The following AAK1 variants were observed in gnomAD, a reference collection of about 807,000 sequenced individuals.
AAK1 encodes the protein AP2-associated protein kinase 1.
A neutral mutation model predicts 116.0 loss-of-function variants in AAK1; 37 were observed. The observed-to-expected ratio is 0.32, with a 90% confidence interval of 0.25 to 0.42. AAK1 has a LOEUF of 0.42. Ranked by LOEUF, AAK1 falls within the 10% of genes least tolerant of loss-of-function variation. The pLI is 1.00. For synonymous variants in AAK1, 458 were observed against 439.9 expected, an observed-to-expected ratio of 1.04 and a Z score of -0.51; for missense variants, 919 against 1,170.6, an observed-to-expected ratio of 0.79 and a Z score of 3.14.
At chr2:69,486,654 G>A (rs988679550) in intron 17 of AAK1, among the ~76,000 whole-genome samples, 34 of 152,138 alleles carry the variant, frequency 2.2e-4, no homozygotes, top group African/African-American at 7.2e-4. Flanking sequence ...AATGATGGAC[G>A]TCACTTACAT....
At chr2:69,608,869 C>A (rs905801965) in intron 2 of AAK1, among the ~76,000 whole-genome samples, 61 of 152,236 alleles carry the variant, frequency 4.0e-4, no homozygotes, top group Non-Finnish European at 8.7e-4. Flanking sequence ...ATTTCATTTA[C>A]AATGCATCAA....
intron 15 of AAK1, among the ~76,000 whole-genome samples, chr2:69,507,102 C>G (rs1275546579): frequency 6.6e-6 from 1 of 152,144 alleles, no homozygotes; most frequent in Non-Finnish European, 1.5e-5. Context: ...CACACTCCTC[C>G]AAGGAGGGAC....
In AAK1 at chr2:69,475,972, G is replaced by A; in HGVS notation, c.2792-9C>T. The A allele has an allele frequency of 6.2e-7, 1 of 1,607,894 alleles. No individual in the cohort carries two copies. Among genetic ancestry groups the A allele is most frequent in the Non-Finnish European group, 8.5e-7 (1 of 1,177,086 alleles). On this transcript the variant is annotated splice_polypyrimidine_tract_variant and intron_variant, in intron 21 of 21. Transcript: ENST00000409085. ...GTTTCTAGAGTGCCCACCTGGAAGT[G>A]GAGAGATAGGAATTCAGTACAAAAC...
chr2:69,473,640 A>C lies in AAK1; in HGVS notation c.*2229T>G. The C allele has an allele frequency of 3.1e-6, 3 of 980,686 alleles. No individual in the cohort carries two copies. Among genetic ancestry groups the C allele is most frequent in the Non-Finnish European group, 3.6e-6 (3 of 825,294 alleles). The allele number at this position is 980,686 out of a possible 1,614,324, so 60.7% of individuals were successfully genotyped here. ...TAATTATGGGTAATATATGAAAAGA[A>C]CAATTTAGAGATACCTAATTTCTAA... On this transcript the variant is annotated 3_prime_UTR_variant, in exon 22 of 22. Transcript: ENST00000409085.
At chr2:69,613,910 G>A (rs1167088146) in intron 2 of AAK1, among the ~76,000 whole-genome samples, 1 of 152,240 alleles carries the variant, frequency 6.6e-6, no homozygotes, top group Non-Finnish European at 1.5e-5. Flanking sequence ...GGTACCAGAA[G>A]CTTGCAACTG....
rs1431480760 is a variant in AAK1, at chr2:69,463,487, T to C, written c.*12382A>G. On this transcript the variant is annotated 3_prime_UTR_variant, in exon 22 of 22. Transcript: ENST00000409085. The stretch of plus-strand genomic sequence containing the variant: ...CCTCCTGAGTAGCTACAGGCATATG[T>C]CACCATACCCAGCTAATTTTTTTCA... The C allele has an allele frequency of 6.6e-6, 1 of 152,126 alleles. No homozygotes were observed. Among genetic ancestry groups the C allele is most frequent in the Non-Finnish European group, 1.5e-5 (1 of 68,026 alleles). The allele number at this position is 152,126 out of a possible 1,614,324, so 9.4% of individuals were successfully genotyped here.
At chr2:69,563,155 G>C (rs773307644) in intron 2 of AAK1, among the ~76,000 whole-genome samples, 11 of 152,218 alleles carry the variant, frequency 7.2e-5, no homozygotes, top group Non-Finnish European at 1.6e-4. Flanking sequence ...TTTGGAAGAA[G>C]AAGCAAGTAG....
intron 2 of AAK1, among the ~76,000 whole-genome samples, chr2:69,571,253 C>T (rs909258629): frequency 6.6e-6 from 1 of 152,216 alleles, no homozygotes; most frequent in African/African-American, 2.4e-5. Context: ...ACCTGGAGTG[C>T]ATTCTCCCTT....
At chr2:69,505,129 ACACACC>A (rs1277341014) in intron 16 of AAK1, among the ~76,000 whole-genome samples, 220 of 97,446 alleles carry the variant, frequency 2.3e-3, no homozygotes, top group South Asian at 7.8e-3. Context: ...GTGTGCGCAC[ACACACC>A]CACACACACA....
Position 69,473,201 on chromosome 2 carries a change from C to T in AAK1, c.*2668G>A. 2.4e-6 allele frequency: 2 copies of T among 822,774 alleles called. No individual in the cohort carries two copies. The highest frequency in any genetic ancestry group is 2.9e-6 in the Non-Finnish European group (2 of 681,436). 51.0% of individuals were successfully genotyped at this position (822,774 alleles called of 1,614,324 possible). A position where few individuals can be genotyped will look rare whatever the true frequency, so the allele number is the denominator to read the frequency against. Reference sequence around the variant, plus strand: ...AGGGCCAGGATGAGATCCCAGGTGGCCTGTCCTGCCCAGGCCTCTTCTCCC... The same window carrying T: ...AGGGCCAGGATGAGATCCCAGGTGGTCTGTCCTGCCCAGGCCTCTTCTCCC... On this transcript the variant is annotated 3_prime_UTR_variant, in exon 22 of 22. Transcript: ENST00000409085.
chr2:69,471,848 A>T lies in AAK1; in HGVS notation c.*4021T>A, dbSNP rs1418206685. ...TGGGGAAGGTTATATTGGTTGATCA[A>T]TTATCTGTCAGGAGAGTAGGAAATA... On this transcript the variant is annotated 3_prime_UTR_variant, in exon 22 of 22. Transcript: ENST00000409085. 3.9e-5 allele frequency: 38 copies of T among 985,322 alleles called. No individual in the cohort carries two copies. The highest frequency in any genetic ancestry group is 6.1e-5 in the Admixed American group (1 of 16,264). The allele number at this position is 985,322 out of a possible 1,614,324, so 61.0% of individuals were successfully genotyped here. A position where few individuals can be genotyped will look rare whatever the true frequency, so the allele number is the denominator to read the frequency against.
intron 16 of AAK1, among the ~76,000 whole-genome samples, chr2:69,500,698 T>TATATACACACACAC: frequency 4.0e-4 from 26 of 65,096 alleles, no homozygotes; most frequent in African/African-American, 1.9e-3. Flanking sequence ...TATATATATA[T>TATATACACACACAC]ACACACACAC....
At chr2:69,514,857 CA>C in intron 12 of AAK1, 108 bp from the exon 13 acceptor site, 1 of 1,308,464 alleles carries the variant, frequency 7.6e-7, no homozygotes, top group Admixed American at 3.0e-5. Context: ...AAGGCAAGGG[CA>C]AGTAGAAAAG....
intron 2 of AAK1, among the ~76,000 whole-genome samples, chr2:69,609,158 T>A (rs1403245086): frequency 3.3e-5 from 5 of 151,944 alleles, no homozygotes; most frequent in Non-Finnish European, 5.9e-5. Flanking sequence ...GGTCAGGAGT[T>A]CAAGGCCAGC....
chr2:69,635,662 T>A (rs1046177516), intron 2 of AAK1, among the ~76,000 whole-genome samples: 1 of 152,224 alleles, frequency 6.6e-6, no homozygotes, highest in Non-Finnish European at 1.5e-5. Context: ...GAGGACATTA[T>A]GCTAAGTGAA....
At chr2:69,572,813 G>C (rs1377485236) in intron 2 of AAK1, among the ~76,000 whole-genome samples, 2 of 152,030 alleles carry the variant, frequency 1.3e-5, no homozygotes, top group Non-Finnish European at 2.9e-5. Flanking sequence ...GCTTCCAAAA[G>C]ACCTGAGAGG....
rs1674699592 is a variant in AAK1 at position 69,472,041 on chromosome 2, C to T, written c.*3828G>A. 1 of 985,198 alleles carries T rather than the reference C, an allele frequency of 1.0e-6. No individual in the cohort carries two copies. Among genetic ancestry groups the T allele is most frequent in the Admixed American group, 6.2e-5 (1 of 16,258 alleles). 61.0% of individuals were successfully genotyped at this position (985,198 alleles called of 1,614,324 possible). On this transcript the variant is annotated 3_prime_UTR_variant, in exon 22 of 22. Coordinates refer to ENST00000409085, the MANE Select transcript of AAK1 (RefSeq NM_014911.5). ...CAAATAACACTGAACAAAGTGACAA[C>T]TTCTTTCAGAGGTGTTTTAATACCC... is the stretch of plus-strand genomic sequence containing the variant.
At position 69,546,307 on chromosome 2, in the gene AAK1, G is replaced by C. The variant is rs191457976; in HGVS notation, c.283-1763C>G. On this transcript the variant is annotated intron_variant, in intron 3 of 21. Transcript: ENST00000409085. Reference sequence around the variant, plus strand: ...CATCTGCTTTGGATAATACATAAGGGAGATGATGAAGCTGACACACAATCT... The same window carrying C: ...CATCTGCTTTGGATAATACATAAGGCAGATGATGAAGCTGACACACAATCT... 5.6e-4 allele frequency among the ~76,000 whole-genome samples: 86 copies of C among 152,298 alleles called. 1 individual carries two copies. Among genetic ancestry groups the C allele is most frequent in the Admixed American group, 3.9e-4 (6 of 15,296 alleles).
intron 2 of AAK1, among the ~76,000 whole-genome samples, chr2:69,612,759 A>G (rs1387777689): frequency 3.9e-5 from 6 of 152,222 alleles, no homozygotes; most frequent in Non-Finnish European, 7.3e-5. Context: ...TCATACCAAG[A>G]TGGAAGACAT....
Sources: allele counts gnomAD v4.1 joint callset (sites outside exome capture counted in the v4.1 genomes callset), GRCh38; gene constraint gnomAD v4.1.1; transcripts MANE v1.5; gene names NCBI Gene and HGNC (gene_info 2026-07-23, HGNC 2026-07-21).